ST7: variants seen among roughly 807,000 people sequenced by gnomAD.
ST7 encodes suppressor of tumorigenicity 7 protein.
ST7 carries 28 observed loss-of-function variants against 78.7 expected under a neutral mutation model. The observed-to-expected ratio is 0.36, with a 90% confidence interval of 0.26 to 0.49. ST7 has a LOEUF of 0.49. Ranked by LOEUF, ST7 falls within the 20% of genes least tolerant of loss-of-function variation. The probability of loss-of-function intolerance (pLI) is 0.99; values close to 1 mark genes in which losing one functional copy is unlikely to be tolerated. For missense variants in ST7, 418 were observed against 696.0 expected (o/e 0.60, Z 4.49); for synonymous variants, 247 against 249.6 (o/e 0.99, Z 0.10).
intron 14 of ST7, among the ~76,000 whole-genome samples, chr7:117,220,160 C>G (rs1792982660): frequency 6.6e-6 from 1 of 152,154 alleles, no homozygotes; most frequent in Non-Finnish European, 1.5e-5. Context: ...TTCCAAACAC[C>G]AGCATCATCA....
rs188567831 is a variant in ST7, at chr7:117,086,271, A to C, written c.152-13491A>C. Among the ~76,000 whole-genome samples, 12 of 152,306 alleles carry C rather than the reference A, an allele frequency of 7.9e-5. No individual in the cohort carries two copies. The East Asian group carries it at 2.3e-3, about 29-fold the overall frequency. ...AGTGGTAATACTCATTTGTAATACA[A>C]CTGGGCCAGAGGTACCTTCTGAGTT... On this transcript the variant is annotated intron_variant, in intron 1 of 15. Coordinates refer to ENST00000323984, the MANE Select transcript of ST7 (RefSeq NM_001369598.1).
At chr7:117,168,610 A>AT (rs1807744659) in intron 9 of ST7, among the ~76,000 whole-genome samples, 2 of 152,302 alleles carry the variant, frequency 1.3e-5, no homozygotes, top group South Asian at 2.1e-4. Context: ...GTATAGTCTT[A>AT]TTCACCTCCT....
intron 10 of ST7, among the ~76,000 whole-genome samples, chr7:117,175,505 G>A (rs1301767480): frequency 6.6e-6 from 1 of 152,184 alleles, no homozygotes; most frequent in African/African-American, 2.4e-5. Context: ...AGTTCTGCCT[G>A]TCTCTAGTTA....
At chr7:116,962,327 T>C (rs1792876751) in intron 1 of ST7, among the ~76,000 whole-genome samples, 2 of 152,120 alleles carry the variant, frequency 1.3e-5, no homozygotes, top group Non-Finnish European at 2.9e-5. Context: ...GGTTAAATGG[T>C]ATTATTTCTA....
At chr7:117,033,827 A>G (rs1328825213) in intron 1 of ST7, among the ~76,000 whole-genome samples, 2 of 152,190 alleles carry the variant, frequency 1.3e-5, no homozygotes, top group East Asian at 3.8e-4. Flanking sequence ...TGCTCATTCT[A>G]CTAGCTGCAC....
At chr7:117,189,452 T>C in intron 11 of ST7, 59 bp downstream of exon 11, 1 of 1,375,194 alleles carries the variant, frequency 7.3e-7, no homozygotes, top group Non-Finnish European at 1.0e-6. Context: ...ATGTGTTGCC[T>C]CTGAGGGCTT....
At chr7:117,215,608 G>T (rs1370386320) in intron 13 of ST7, among the ~76,000 whole-genome samples, 1 of 152,132 alleles carries the variant, frequency 6.6e-6, no homozygotes, top group East Asian at 1.9e-4. Context: ...AACGACCCAC[G>T]CAAAGTCATA....
chr7:117,005,070 G>C (rs1795100553), intron 1 of ST7, among the ~76,000 whole-genome samples: 1 of 152,118 alleles, frequency 6.6e-6, no homozygotes, highest in African/African-American at 2.4e-5. Context: ...TGTTCCTTAT[G>C]ATATCATCTG....
intron 12 of ST7, 98 bp downstream of exon 12, chr7:117,191,034 T>C: frequency 1.0e-6 from 1 of 971,338 alleles, no homozygotes; most frequent in Non-Finnish European, 1.6e-6. Flanking sequence ...TATAAAAAAA[T>C]GAATTGCAAC....
chr7:117,022,078 T>C (rs1245448894), intron 1 of ST7, among the ~76,000 whole-genome samples: 4 of 152,310 alleles, frequency 2.6e-5, no homozygotes, highest in Non-Finnish European at 5.9e-5. Flanking sequence ...CTAGGGACTC[T>C]AACATTGTCT....
intron 1 of ST7, among the ~76,000 whole-genome samples, chr7:116,966,689 A>G (rs1457199096): frequency 6.6e-6 from 1 of 152,240 alleles, no homozygotes; most frequent in Non-Finnish European, 1.5e-5. Context: ...GGCAATGTCA[A>G]TCCTTTCAAA....
intron 12 of ST7, among the ~76,000 whole-genome samples, chr7:117,206,573 T>C (rs1029898024): frequency 6.6e-6 from 1 of 152,184 alleles, no homozygotes; most frequent in Non-Finnish European, 1.5e-5. Context: ...CTTGAGGCCA[T>C]ATGTATCCCA....
intron 10 of ST7, among the ~76,000 whole-genome samples, chr7:117,186,888 T>A (rs1293333026): frequency 6.6e-6 from 1 of 152,224 alleles, no homozygotes; most frequent in Admixed American, 6.5e-5. Flanking sequence ...TGAACAATCT[T>A]TGTGCACATT....
At chr7:117,016,552 C>CTTAAT (rs1795625482) in intron 1 of ST7, among the ~76,000 whole-genome samples, 1 of 152,028 alleles carries the variant, frequency 6.6e-6, no homozygotes, top group Non-Finnish European at 1.5e-5. Flanking sequence ...GATGTACAGC[C>CTTAAT]TTAACATTCT....
intron 1 of ST7, among the ~76,000 whole-genome samples, chr7:117,074,458 T>C (rs1037393302): frequency 2.0e-5 from 3 of 151,760 alleles, no homozygotes; most frequent in Admixed American, 6.6e-5. Flanking sequence ...TCATAGAGAG[T>C]GCTTTGGCAG....
At chr7:116,977,204 C>T (rs915047167) in intron 1 of ST7, among the ~76,000 whole-genome samples, 10 of 152,140 alleles carry the variant, frequency 6.6e-5, no homozygotes, top group Non-Finnish European at 1.3e-4. Flanking sequence ...ATGATGCATT[C>T]GTAATTTTCT....
At chr7:116,998,747 G>A (rs751440752) in intron 1 of ST7, among the ~76,000 whole-genome samples, 9 of 152,310 alleles carry the variant, frequency 5.9e-5, no homozygotes, top group Non-Finnish European at 7.4e-5. Flanking sequence ...AGAACTAAGC[G>A]AATATGTAAA....
chr7:117,227,997 T>C (rs1793558421), intron 15 of ST7, among the ~76,000 whole-genome samples: 2 of 152,366 alleles, frequency 1.3e-5, no homozygotes, highest in South Asian at 4.1e-4. Flanking sequence ...TTTTGAACTC[T>C]ACTTCTTCTA....
intron 1 of ST7, among the ~76,000 whole-genome samples, chr7:117,097,893 TATATA>T (rs1801198703): frequency 1.3e-4 from 3 of 23,436 alleles, no homozygotes; most frequent in South Asian, 1.4e-3. Flanking sequence ...TATATATATA[TATATA>T]TATATATATA....
Sources: allele counts gnomAD v4.1 joint callset (sites outside exome capture counted in the v4.1 genomes callset), GRCh38; gene constraint gnomAD v4.1.1; transcripts MANE v1.5; gene names NCBI Gene and HGNC (gene_info 2026-07-23, HGNC 2026-07-21).